Variants in TM9SF3 observed in about 807,000 individuals in gnomAD.
TM9SF3 encodes the protein transmembrane 9 superfamily member 3.
Under a neutral mutation model 78.6 loss-of-function variants are expected in TM9SF3, and 14 were observed. That is an observed-to-expected ratio of 0.18 (90% confidence interval 0.12 to 0.28). TM9SF3 has a LOEUF of 0.28. TM9SF3 is among the 10% of genes least tolerant of loss of function. The pLI, the probability that TM9SF3 is intolerant of heterozygous loss-of-function variation, is 1.00. For synonymous variants in TM9SF3, 231 were observed against 241.7 expected (o/e 0.96, Z 0.41); for missense variants, 496 against 721.9 (o/e 0.69, Z 3.59).
intron 14 of TM9SF3, among the ~76,000 whole-genome samples, chr10:96,524,559 C>T (rs1463053207): frequency 6.6e-6 from 1 of 151,696 alleles, no homozygotes; most frequent in African/African-American, 2.4e-5. Context: ...CTTATGAGTA[C>T]CTCAAGAATA....
intron 5 of TM9SF3, among the ~76,000 whole-genome samples, chr10:96,555,666 C>T (rs1848226324): frequency 6.6e-6 from 1 of 152,286 alleles, no homozygotes; most frequent in African/African-American, 2.4e-5. Flanking sequence ...TTCCTTACTT[C>T]ATTCAACAAT....
chr10:96,527,414 T>C lies in TM9SF3; in HGVS notation c.1624A>G (p.Lys542Glu). The stretch of plus-strand genomic sequence containing the variant: ...AGGTAAAAAAATGTCTCCACTTACT[T>C]TGTTTTGAAAAAATAGTAGTAAAAG... Reference protein sequence around the residue: ...YSFYYYFFKTKMYGLFQTSFY... With the variant: ...YSFYYYFFKTEMYGLFQTSFY... The change falls in exon 13 of 15, where the codon AAG (lysine) becomes GAG (glutamate). Residue 542 changes from lysine (K) to glutamate (E), a missense_variant and splice_region_variant. Physicochemically the swap from Lys to Glu is moderately conservative, Grantham distance 56. This residue lies in a region of TM9SF3 where 280 missense variants were observed against 422.6 expected (regional missense o/e 0.66). Transcript: ENST00000371142. 1 of 1,606,020 alleles carries C rather than the reference T, an allele frequency of 6.2e-7. No homozygotes were observed. The highest frequency in any genetic ancestry group is 8.5e-7 in the Non-Finnish European group (1 of 1,176,650).
At position 96,563,329 on chromosome 10, in the gene TM9SF3, T is replaced by C. The variant is rs193097578; in HGVS notation, c.422-1191A>G. Among the ~76,000 whole-genome samples, 29 of 152,290 alleles carry C rather than the reference T, an allele frequency of 1.9e-4. No homozygotes were observed. The Middle Eastern group carries it at 0.017, about 89-fold the overall frequency. Reference sequence around the variant, plus strand: ...GGCCTTAGCTTCTCAAAGTGCTGTATTACAGGCGTGAGCCACCACACTAGC... The same window carrying C: ...GGCCTTAGCTTCTCAAAGTGCTGTACTACAGGCGTGAGCCACCACACTAGC... On this transcript the variant is annotated intron_variant, in intron 3 of 14. Transcript: ENST00000371142.
At chr10:96,539,069 T>A (rs1463890333) in intron 9 of TM9SF3, among the ~76,000 whole-genome samples, 3 of 152,206 alleles carry the variant, frequency 2.0e-5, no homozygotes, top group Non-Finnish European at 2.9e-5. Flanking sequence ...ATACAGTAAC[T>A]TGATTTACAA....
At position 96,521,003 on chromosome 10, in the gene TM9SF3, T is replaced by G. The variant is rs1847761097; in HGVS notation, c.*1260A>C. The G allele has an allele frequency of 2.5e-6, 1 of 396,068 alleles. No individual in the cohort carries two copies. The highest frequency in any genetic ancestry group is 2.1e-5 in the African/African-American group (1 of 48,492). 24.5% of individuals were successfully genotyped at this position (396,068 alleles called of 1,614,324 possible). A position where few individuals can be genotyped will look rare whatever the true frequency, so the allele number is the denominator to read the frequency against. ...AAAACAATTTGGTCAGGAAATTTTATTTGAACATTCTAAAGCAATAATGCT... is the reference window on the plus strand; with the variant it reads ...AAAACAATTTGGTCAGGAAATTTTAGTTGAACATTCTAAAGCAATAATGCT... On this transcript the variant is annotated 3_prime_UTR_variant, in exon 15 of 15. Transcript: ENST00000371142.
chr10:96,539,598 T>C (rs1297842685), intron 9 of TM9SF3, among the ~76,000 whole-genome samples: 1 of 152,202 alleles, frequency 6.6e-6, no homozygotes, highest in African/African-American at 2.4e-5. Context: ...AACATCTTTA[T>C]CTTGAATGCG....
Position 96,552,210 on chromosome 10 carries a change from G to A in TM9SF3, c.792+718C>T, listed in dbSNP as rs1046766137. The stretch of plus-strand genomic sequence containing the variant: ...CTCACACCTATAATAACAGCACTTT[G>A]GGAGGCCAAGGCAGGAAGATCGTTT... On this transcript the variant is annotated intron_variant, in intron 6 of 14. Coordinates refer to ENST00000371142, the MANE Select transcript of TM9SF3 (RefSeq NM_020123.4). Among the ~76,000 whole-genome samples the A allele has an allele frequency of 2.5e-4, 38 of 152,212 alleles. 1 individual carries two copies. Among genetic ancestry groups the A allele is most frequent in the Admixed American group, 1.2e-3 (19 of 15,284 alleles).
intron 8 of TM9SF3, among the ~76,000 whole-genome samples, chr10:96,544,540 C>G (rs1242755800): frequency 6.6e-6 from 1 of 151,182 alleles, no homozygotes; most frequent in Non-Finnish European, 1.5e-5. Flanking sequence ...ATTAACTGAT[C>G]AAAAAAAAGA....
At chr10:96,530,470 GT>G (rs1564928128) in intron 11 of TM9SF3, 69 bp downstream of exon 11, 25 of 1,269,418 alleles carry the variant, frequency 2.0e-5, no homozygotes, top group Non-Finnish European at 2.8e-5. Flanking sequence ...AACTTTACAT[GT>G]TCCCTAACTC....
intron 9 of TM9SF3, 61 bp downstream of exon 9, chr10:96,544,015 G>A (rs890066437): frequency 8.4e-5 from 129 of 1,527,088 alleles, no homozygotes; most frequent in Non-Finnish European, 1.1e-4. Flanking sequence ...TGGAGGGTGA[G>A]TAGGTCTCAG....
chr10:96,567,607 C>T (rs970584863), intron 2 of TM9SF3, among the ~76,000 whole-genome samples: 2 of 152,150 alleles, frequency 1.3e-5, no homozygotes, highest in African/African-American at 4.8e-5. Context: ...CAAAGGAATC[C>T]CTGACTCCCC....
At chr10:96,580,676 C>G in intron 1 of TM9SF3, among the ~76,000 whole-genome samples, 1 of 152,068 alleles carries the variant, frequency 6.6e-6, no homozygotes, top group East Asian at 1.9e-4. Context: ...TTTTCAAATC[C>G]TCAAGTAAAG....
At chr10:96,553,380 G>A (rs936020946) in intron 5 of TM9SF3, among the ~76,000 whole-genome samples, 1 of 152,156 alleles carries the variant, frequency 6.6e-6, no homozygotes, top group African/African-American at 2.4e-5. Context: ...GAAAAAACAT[G>A]GGCTCTGGAG....
At chr10:96,547,617 T>TC (rs5787194) in intron 8 of TM9SF3, among the ~76,000 whole-genome samples, 151,121 of 152,302 alleles carry the variant, frequency 0.99, 74,985 homozygotes, top group Middle Eastern at 1. Context: ...GGTCAGGAGT[T>TC]CACAGCAGCC....
chr10:96,582,537 C>G (rs1352441728), intron 1 of TM9SF3, among the ~76,000 whole-genome samples: 5 of 152,152 alleles, frequency 3.3e-5, no homozygotes, highest in African/African-American at 1.2e-4. Flanking sequence ...CATAAACATA[C>G]CTTTCACTGA....
intron 1 of TM9SF3, among the ~76,000 whole-genome samples, chr10:96,583,694 T>C (rs1013860315): frequency 6.6e-6 from 1 of 152,186 alleles, no homozygotes; most frequent in African/African-American, 2.4e-5. Context: ...ATTACTCACC[T>C]CGTAGGTTAT....
At chr10:96,532,144 A>T (rs1295194227) in intron 10 of TM9SF3, among the ~76,000 whole-genome samples, 1 of 151,824 alleles carries the variant, frequency 6.6e-6, no homozygotes, top group Admixed American at 6.6e-5. Flanking sequence ...CAGGAAGTGG[A>T]GCTTGCAGTG....
intron 6 of TM9SF3, among the ~76,000 whole-genome samples, chr10:96,552,413 C>T (rs1231033535): frequency 5.3e-5 from 8 of 152,198 alleles, no homozygotes; most frequent in Admixed American, 5.2e-4. Flanking sequence ...CGCACCACTA[C>T]ACTCCAGCCT....
rs759157637 is a variant in TM9SF3, at chr10:96,520,693, CTTTA to C, written c.*1566_*1569del. The C allele has an allele frequency of 5.1e-5, 20 of 389,460 alleles. No homozygotes were observed. The highest frequency in any genetic ancestry group is 8.2e-5 in the Non-Finnish European group (18 of 219,838). The allele number at this position is 389,460 out of a possible 1,614,324, so 24.1% of individuals were successfully genotyped here. On this transcript the variant is annotated 3_prime_UTR_variant, in exon 15 of 15. Coordinates refer to ENST00000371142, the MANE Select transcript of TM9SF3 (RefSeq NM_020123.4). ...ATCACTTCTCTTACAAAACTGTAAC[CTTTA>C]TTTGTTGATCCAACAGTACGTTAAC...
Sources: gnomAD v4.1 joint callset for allele counts (sites outside exome capture counted in the v4.1 genomes callset) on GRCh38, gnomAD v4.1.1 for gene constraint, gnomAD v4.1.1 regional missense constraint, MANE v1.5 for transcripts, NCBI Gene and HGNC (gene_info 2026-07-23, HGNC 2026-07-21) for gene names.